The following SPDYA variants were observed in gnomAD, a reference collection of about 807,000 sequenced individuals.
SPDYA encodes speedy protein A.
Under a neutral mutation model 36.7 loss-of-function variants are expected in SPDYA, and 11 were observed. That is an observed-to-expected ratio of 0.30 (90% CI 0.19 to 0.50). The LOEUF (loss-of-function observed/expected upper bound fraction) is 0.50. Among genes scored for constraint, SPDYA ranks in the 20% least tolerant of loss-of-function variants. SPDYA has a pLI of 0.98. For missense variants in SPDYA, 287 were observed against 370.9 expected (o/e 0.77, Z 1.86); for synonymous variants, 115 against 118.7 (o/e 0.97, Z 0.20).
intron 6 of SPDYA, among the ~76,000 whole-genome samples, chr2:28,838,641 T>A (rs1361068595): frequency 6.6e-6 from 1 of 152,186 alleles, no homozygotes; most frequent in Non-Finnish European, 1.5e-5. Context: ...CTAGGTGGGT[T>A]AGTATGTGGA....
chr2:28,842,644 C>A (rs760242275), intron 7 of SPDYA, among the ~76,000 whole-genome samples: 3 of 152,112 alleles, frequency 2.0e-5, no homozygotes, highest in Non-Finnish European at 4.4e-5. Context: ...TTACCCATAG[C>A]CATTTTATTC....
In SPDYA at chr2:28,850,009, C is replaced by T; in HGVS notation, c.*68C>T. 7.5e-7 allele frequency: 1 copy of T among 1,331,266 alleles called. No individual in the cohort carries two copies. The highest frequency in any genetic ancestry group is 2.3e-5 in the East Asian group (1 of 43,162). 82.5% of individuals were successfully genotyped at this position (1,331,266 alleles called of 1,614,324 possible). On this transcript the variant is annotated 3_prime_UTR_variant, in exon 8 of 8. Transcript: ENST00000334056. ...GTCAAACTAACTGCAAGACAAGTGT[C>T]AAAATGGGATGTTTAAGCAGTTTTG...
chr2:28,821,736 G>C (rs1668173882), intron 4 of SPDYA, among the ~76,000 whole-genome samples: 1 of 152,158 alleles, frequency 6.6e-6, no homozygotes, highest in South Asian at 2.1e-4. Context: ...AATTTGAACA[G>C]ACAGAACCTG....
At chr2:28,836,190 C>T (rs539305133) in intron 6 of SPDYA, among the ~76,000 whole-genome samples, 3 of 152,242 alleles carry the variant, frequency 2.0e-5, no homozygotes, top group South Asian at 2.1e-4. Flanking sequence ...AACTGAGGAC[C>T]GAGGAGGCTG....
At chr2:28,820,224 G>A (rs1472940591) in intron 4 of SPDYA, among the ~76,000 whole-genome samples, 3 of 152,048 alleles carry the variant, frequency 2.0e-5, no homozygotes, top group South Asian at 2.1e-4. Context: ...TTAGGAATCA[G>A]TGTTTCATAA....
intron 4 of SPDYA, among the ~76,000 whole-genome samples, chr2:28,819,892 A>ATATATATATG (rs1668112933): frequency 1.2e-5 from 1 of 85,314 alleles, no homozygotes; most frequent in Non-Finnish European, 2.1e-5. Flanking sequence ...ATATATATAT[A>ATATATATATG]TATATATATA....
chr2:28,824,117 G>A (rs570224018), intron 5 of SPDYA, among the ~76,000 whole-genome samples: 67 of 152,136 alleles, frequency 4.4e-4, no homozygotes, highest in African/African-American at 1.2e-3. Flanking sequence ...TACCACAATA[G>A]CTGTCAGCAC....
intron 1 of SPDYA, among the ~76,000 whole-genome samples, chr2:28,813,448 C>G (rs1667902261): frequency 6.6e-6 from 1 of 152,122 alleles, no homozygotes; most frequent in Admixed American, 6.5e-5. Flanking sequence ...AGTCTAGCCC[C>G]AACACTCAAA....
chr2:28,822,605 TTTTA>T (rs1558323555), intron 5 of SPDYA, among the ~76,000 whole-genome samples, 195 bp downstream of exon 5: 1 of 152,054 alleles, frequency 6.6e-6, no homozygotes. Flanking sequence ...AGATTTCCTT[TTTTA>T]TTTATTTATT....
chr2:28,815,296 ACACAC>A (rs1667958049), intron 2 of SPDYA, among the ~76,000 whole-genome samples: 1 of 148,190 alleles, frequency 6.7e-6, no homozygotes, highest in Non-Finnish European at 1.5e-5. Flanking sequence ...ACACACACAC[ACACAC>A]ACACACACAC....
At chr2:28,820,226 G>A (rs1369878330) in intron 4 of SPDYA, among the ~76,000 whole-genome samples, 1 of 151,978 alleles carries the variant, frequency 6.6e-6, no homozygotes, top group Non-Finnish European at 1.5e-5. Flanking sequence ...AGGAATCAGT[G>A]TTTCATAAAA....
intron 5 of SPDYA, among the ~76,000 whole-genome samples, chr2:28,823,734 TATATATATATAA>T (rs1442680660): frequency 1.8e-4 from 16 of 89,516 alleles, no homozygotes; most frequent in African/African-American, 6.8e-4. Context: ...TATATATATA[TATATATATATAA>T]AATTTTTTTT....
intron 1 of SPDYA, among the ~76,000 whole-genome samples, chr2:28,812,247 C>T (rs147034770): frequency 6.6e-6 from 1 of 152,216 alleles, no homozygotes; most frequent in Non-Finnish European, 1.5e-5. Context: ...CACATATTCT[C>T]TGTGTGTGAC....
chr2:28,840,493 A>G (rs755867023), intron 7 of SPDYA, 24 bp downstream of exon 7: 6 of 1,609,640 alleles, frequency 3.7e-6, no homozygotes, highest in Non-Finnish European at 5.1e-6. Context: ...ATATGCCAGA[A>G]TTAGATTTAT....
chr2:28,835,790 T>C (rs1012244159), intron 6 of SPDYA, among the ~76,000 whole-genome samples: 1 of 152,242 alleles, frequency 6.6e-6, no homozygotes, highest in East Asian at 1.9e-4. Context: ...TGTAGGCGTA[T>C]AGAAAAGGTA....
chr2:28,850,508 CTTTATTT>C lies in SPDYA; in HGVS notation c.*568_*574del. 1 of 755,962 alleles carries C rather than the reference CTTTATTT, an allele frequency of 1.3e-6. No homozygotes were observed. Among genetic ancestry groups the C allele is most frequent in the South Asian group, 2.1e-5 (1 of 47,924 alleles). 46.8% of individuals were successfully genotyped at this position (755,962 alleles called of 1,614,324 possible). A position where few individuals can be genotyped will look rare whatever the true frequency, so the allele number is the denominator to read the frequency against. On this transcript the variant is annotated 3_prime_UTR_variant, in exon 8 of 8. Coordinates refer to ENST00000334056, the MANE Select transcript of SPDYA (RefSeq NM_182756.4). ...TTACTCTCTTTATTGTAAGTTTTTT[CTTTATTT>C]ATTTCCTTGCATATGTTTTAGAGCT...
intron 7 of SPDYA, among the ~76,000 whole-genome samples, chr2:28,848,652 A>T (rs1302164552): frequency 6.6e-6 from 1 of 152,232 alleles, no homozygotes. Flanking sequence ...GTTATTTAAT[A>T]AAAAATTTAC....
chr2:28,845,258 T>C (rs976853946), intron 7 of SPDYA, among the ~76,000 whole-genome samples: 2 of 150,402 alleles, frequency 1.3e-5, no homozygotes, highest in South Asian at 4.2e-4. Flanking sequence ...GCTTTTTTTT[T>C]TTTTTTCTTT....
intron 7 of SPDYA, among the ~76,000 whole-genome samples, chr2:28,848,989 G>A (rs796964647): frequency 9.2e-5 from 14 of 151,930 alleles, no homozygotes; most frequent in African/African-American, 3.4e-4. Context: ...AGGCTGCAAT[G>A]AGCCATGATC....
Sources: gnomAD v4.1 joint callset for allele counts (sites outside exome capture counted in the v4.1 genomes callset) on GRCh38, gnomAD v4.1.1 for gene constraint, MANE v1.5 for transcripts, NCBI Gene and HGNC (gene_info 2026-07-23, HGNC 2026-07-21) for gene names.